Variants in MAN2C1 observed in about 807,000 individuals in gnomAD.
MAN2C1 encodes the protein alpha-mannosidase 2C1.
A neutral mutation model predicts 126.9 loss-of-function variants in MAN2C1; 111 were observed. The observed-to-expected ratio is 0.87, with a 90% CI of 0.75 to 1.02. MAN2C1 has a LOEUF of 1.02. Among genes scored for constraint, MAN2C1 ranks in the 50% least tolerant of loss-of-function variants. The pLI is 0.00. For synonymous variants in MAN2C1, 567 were observed against 561.5 expected, an observed-to-expected ratio of 1.01 and a Z score of -0.14; for missense variants, 1,363 against 1,364.4, an observed-to-expected ratio of 1.00 and a Z score of 0.02.
chr15:75,363,071 G>A, intron 6 of MAN2C1: 2 of 409,346 alleles, frequency 4.9e-6, no homozygotes, highest in East Asian at 6.5e-5. Context: ...CCCTGCCCCT[G>A]CACAAACTTG....
Position 75,361,051 on chromosome 15 carries a change from C to A in MAN2C1, c.1455G>T (p.Leu485=). Residue 485 remains leucine, a synonymous_variant, in exon 12 of 26, where the codon CTG becomes CTT. Transcript: ENST00000267978. This position sits in a 1 kb window ranked among gnomAD's most constrained non-coding sequence, Gnocchi z 5.0. ...RLKRLSNTDG[L]PRVQLSSPRQ... ...GAGCCAAGGCCTGGCCTGACCTGGG[C>A]AGCCCATCCGTATTGCTCAGGCGCT... The A allele has an allele frequency of 6.2e-7, 1 of 1,609,184 alleles. No individual in the cohort carries two copies. The highest frequency in any genetic ancestry group is 8.5e-7 in the Non-Finnish European group (1 of 1,178,184).
Position 75,362,022 on chromosome 15 carries a change from A to G in MAN2C1, c.1009-75T>C. On this transcript the variant is annotated intron_variant, in intron 8 of 25. Transcript: ENST00000267978. The surrounding 1 kb of genome is among the most constrained non-coding windows in gnomAD (Gnocchi z 4.5). ...GCAGGCAGGCGCTCAGGCCAACCCA[A>G]TCCCTGCAGGAGAAGCCAGGGCTGC... 1 of 1,115,068 alleles carries G rather than the reference A, an allele frequency of 9.0e-7. No homozygotes were observed. Among genetic ancestry groups the G allele is most frequent in the Non-Finnish European group, 1.4e-6 (1 of 731,736 alleles). 69.1% of individuals were successfully genotyped at this position (1,115,068 alleles called of 1,614,324 possible). A position where few individuals can be genotyped will look rare whatever the true frequency, so the allele number is the denominator to read the frequency against.
rs1428776273 is a variant in MAN2C1, at chr15:75,356,650, T to A, written c.2693A>T (p.Asp898Val). The change falls in exon 23 of 26, where the codon GAC becomes GTC. Residue 898 changes from aspartate (D) to valine (V), a missense_variant. Physicochemically the swap from Asp to Val is radical, Grantham distance 152 (BLOSUM62 -3). Coordinates refer to ENST00000267978, the MANE Select transcript of MAN2C1 (RefSeq NM_006715.4). This position sits in a 1 kb window ranked among gnomAD's most constrained non-coding sequence, Gnocchi z 5.8. ...RAPKAPDATA[D>V]TGRHEFTYAL... ...ATAGGTGAACTCGTGGCGCCCCGTG[T>A]CAGCAGTAGCGTCCGGGGCTTTAGG... 1.9e-6 allele frequency: 3 copies of A among 1,577,900 alleles called. No homozygotes were observed. Among genetic ancestry groups the A allele is most frequent in the Non-Finnish European group, 2.6e-6 (3 of 1,162,210 alleles).
At chr15:75,368,377 C>T (rs914936503) in intron 1 of MAN2C1, 106 bp downstream of exon 1, 27 of 1,396,928 alleles carry the variant, frequency 1.9e-5, no homozygotes, top group Non-Finnish European at 2.2e-5. Context: ...CCGCGGCGGG[C>T]ACTTTGTCCC....
chr15:75,367,741 G>C, intron 2 of MAN2C1, 107 bp from the exon 3 acceptor site: 1 of 1,402,638 alleles, frequency 7.1e-7, no homozygotes, highest in South Asian at 1.3e-5. Flanking sequence ...CATCTGCAGT[G>C]TCACAAGGTA....
Position 75,364,065 on chromosome 15 carries a change from A to T in MAN2C1, c.724T>A (p.Phe242Ile). 2 of 1,614,184 alleles carry T rather than the reference A, an allele frequency of 1.2e-6. No homozygotes were observed. Among genetic ancestry groups the T allele is most frequent in the Non-Finnish European group, 1.7e-6 (2 of 1,180,010 alleles). The part of the protein sequence containing the change: ...PVAQALASRF[F>I]GQHGGESQHT... Reference sequence around the variant, plus strand: ...TGGCTTTCACCCCCATGTTGGCCAAAGAACCTGGAGGCCAGGGCCTGGGCC... The same window carrying T: ...TGGCTTTCACCCCCATGTTGGCCAATGAACCTGGAGGCCAGGGCCTGGGCC... Residue 242 changes from phenylalanine to isoleucine, a missense_variant, in exon 6 of 26, where the codon TTT (phenylalanine) becomes ATT (isoleucine). Phe to Ile is a conservative substitution (Grantham distance 21). This residue lies in a region of MAN2C1 where 628 missense variants were observed against 609.8 expected (regional missense o/e 1.03). Coordinates refer to ENST00000267978, the MANE Select transcript of MAN2C1 (RefSeq NM_006715.4).
chr15:75,358,840 CAACT>C (rs751122715), intron 18 of MAN2C1, 32 bp from the exon 19 acceptor site: 4 of 1,559,264 alleles, frequency 2.6e-6, no homozygotes, highest in South Asian at 1.1e-5. Context: ...GCTGTACAAC[CAACT>C]GACCTCGCTG....
At position 75,357,090 on chromosome 15, in the gene MAN2C1, G is replaced by T. The variant is rs977959542; in HGVS notation, c.2548-188C>A. The T allele has an allele frequency of 1.0e-5, 6 of 596,256 alleles. No individual in the cohort carries two copies. In the Middle Eastern group the frequency reaches 1.3e-3, roughly 129 times the overall value. 36.9% of individuals were successfully genotyped at this position (596,256 alleles called of 1,614,324 possible). ...GCCTCAGTTTCCTTATCTGTGAAAC[G>T]GGAATAAATAATAGTACTCACCCCA... is the stretch of plus-strand genomic sequence containing the variant. On this transcript the variant is annotated intron_variant, in intron 21 of 25. Transcript: ENST00000267978.
chr15:75,356,003 G>C lies in MAN2C1; in HGVS notation c.3026C>G (p.Ala1009Gly), dbSNP rs754077447. 24 of 1,613,954 alleles carry C rather than the reference G, an allele frequency of 1.5e-5. No individual in the cohort carries two copies. The highest frequency in any genetic ancestry group is 1.6e-4 in the Middle Eastern group (1 of 6,082). The stretch of plus-strand genomic sequence containing the variant: ...GTTGTCCCGAAGGGTCAAGTGGCCA[G>C]CAGGGTCTGGTCGCTCCAAGAGATC... Reference protein sequence around the residue: ...LCDLLERPDPAGHLTLRDNRL... With the variant: ...LCDLLERPDPGGHLTLRDNRL... Residue 1009 changes from alanine to glycine, a missense_variant, in exon 26 of 26, where the codon GCT (alanine) becomes GGT (glycine). By Grantham distance (60) the Ala-to-Gly change is moderately conservative. This residue lies in a region of MAN2C1 where 668 missense variants were observed against 650.1 expected (regional missense o/e 1.03). Coordinates refer to ENST00000267978, the MANE Select transcript of MAN2C1 (RefSeq NM_006715.4). The surrounding 1 kb of genome is among the most constrained non-coding windows in gnomAD (Gnocchi z 5.8).
At chr15:75,364,290 C>T (rs979808090) in intron 5 of MAN2C1, 102 bp from the exon 6 acceptor site, 7 of 1,346,836 alleles carry the variant, frequency 5.2e-6, no homozygotes, top group Admixed American at 2.8e-5. Flanking sequence ...TGACCCCCAA[C>T]CCTTTTTCCC....
Position 75,361,053 on chromosome 15 carries a change from G to A in MAN2C1, c.1453C>T (p.Leu485=), listed in dbSNP as rs1159486021. 3 of 1,609,466 alleles carry A rather than the reference G, an allele frequency of 1.9e-6. No homozygotes were observed. The highest frequency in any genetic ancestry group is 2.5e-6 in the Non-Finnish European group (3 of 1,178,370). Reference sequence around the variant, plus strand: ...GCCAAGGCCTGGCCTGACCTGGGCAGCCCATCCGTATTGCTCAGGCGCTTC... The same window carrying A: ...GCCAAGGCCTGGCCTGACCTGGGCAACCCATCCGTATTGCTCAGGCGCTTC... The part of the protein sequence containing the change: ...RLKRLSNTDG[L]PRVQLSSPRQ... The change falls in exon 12 of 26, where the codon CTG becomes TTG. Residue 485 remains leucine, a synonymous_variant. Coordinates refer to ENST00000267978, the MANE Select transcript of MAN2C1 (RefSeq NM_006715.4). The surrounding 1 kb of genome is among the most constrained non-coding windows in gnomAD (Gnocchi z 5.0).
rs1242997044 is a variant in MAN2C1 at position 75,368,052 on chromosome 15, C to T, written c.227+21G>A. The stretch of plus-strand genomic sequence containing the variant: ...CTTCCCCTAGGCCTGTGGCCCCGCC[C>T]ACCCGCTGGGCGTTACCTACGTGGG... On this transcript the variant is annotated intron_variant, in intron 2 of 25. Coordinates refer to ENST00000267978, the MANE Select transcript of MAN2C1 (RefSeq NM_006715.4). 8 of 1,595,048 alleles carry T rather than the reference C, an allele frequency of 5.0e-6. No individual in the cohort carries two copies. In the South Asian group the frequency reaches 5.6e-5, roughly 11 times the overall value.
rs2072296074 is a variant in MAN2C1, at chr15:75,356,316, CAA to C, written c.2869_2870del (p.Leu957GlyfsTer21). ...CACCCCTTGCCTGCTTGACGGTCTC[CAA>C]TACGACCGCGGGTGAAGACACGGAA... is the stretch of plus-strand genomic sequence containing the variant. ...AFSVSSPAVV[L>X]ETVKQAESSP... is the part of the protein sequence containing the mutation. On this transcript the variant is annotated frameshift_variant, in exon 24 of 26. Coordinates refer to ENST00000267978, the MANE Select transcript of MAN2C1 (RefSeq NM_006715.4). LOFTEE classifies it high-confidence loss of function. The surrounding 1 kb of genome is among the most constrained non-coding windows in gnomAD (Gnocchi z 5.8). 3 of 1,611,810 alleles carry C rather than the reference CAA, an allele frequency of 1.9e-6. No individual in the cohort carries two copies. The highest frequency in any genetic ancestry group is 2.5e-6 in the Non-Finnish European group (3 of 1,179,366).
chr15:75,368,145 T>C lies in MAN2C1; in HGVS notation c.155A>G (p.Glu52Gly), dbSNP rs982371793. 1.9e-6 allele frequency: 3 copies of C among 1,605,072 alleles called. No homozygotes were observed. The highest frequency in any genetic ancestry group is 1.7e-6 in the Non-Finnish European group (2 of 1,177,076). ...VAVLSSFLTP[E>G]RLPYQEAVQR... is the part of the protein sequence containing the mutation. ...GACTGCCTCCTGGTAGGGAAGTCTCTCCGGCGTCAGGAAGCTGGAGAGCAC... is the reference window on the plus strand; with the variant it reads ...GACTGCCTCCTGGTAGGGAAGTCTCCCCGGCGTCAGGAAGCTGGAGAGCAC... The change falls in exon 2 of 26, where the codon GAG becomes GGG. Residue 52 changes from glutamate to glycine, a missense_variant. Physicochemically the swap from Glu to Gly is moderately conservative, Grantham distance 98. Transcript: ENST00000267978.
intron 6 of MAN2C1, among the ~76,000 whole-genome samples, chr15:75,363,534 G>A (rs1350335636): frequency 6.6e-6 from 1 of 152,162 alleles, no homozygotes; most frequent in Non-Finnish European, 1.5e-5. Flanking sequence ...GGCTGGGCAC[G>A]GTGGGTCATG....
rs2072410412 is a variant in MAN2C1 at position 75,359,118 on chromosome 15, G to C, written c.2082C>G (p.Ile694Met). The C allele has an allele frequency of 6.2e-7, 1 of 1,614,060 alleles. No homozygotes were observed. The highest frequency in any genetic ancestry group is 8.5e-7 in the Non-Finnish European group (1 of 1,180,028). ...GACCAGTTGGGTCCAGCTTCACTCG[G>C]ATGATGCCATTGTCCAGAGTCACGG... is the stretch of plus-strand genomic sequence containing the variant. ...DGSVTLDNGI[I>M]RVKLDPTGRL... Residue 694 changes from isoleucine to methionine, a missense_variant, in exon 18 of 26, where the codon ATC becomes ATG. Around this residue, in one of 3 missense-constraint regions of MAN2C1, gnomAD observed 668 missense variants for 650.1 expected, o/e 1.03. Coordinates refer to ENST00000267978, the MANE Select transcript of MAN2C1 (RefSeq NM_006715.4).
rs778465964 is a variant in MAN2C1, at chr15:75,356,019, C to G, written c.3010G>C (p.Glu1004Gln). ...VQEAILCDLLERPDPAGHLTL... is the reference protein window; with the variant it reads ...VQEAILCDLLQRPDPAGHLTL... The stretch of plus-strand genomic sequence containing the variant: ...AAGTGGCCAGCAGGGTCTGGTCGCT[C>G]CAAGAGATCGCAGCTGGAGAACAGG... The change falls in exon 26 of 26, where the codon GAG (glutamate) becomes CAG (glutamine). Residue 1004 changes from glutamate (E) to glutamine (Q), a missense_variant. Transcript: ENST00000267978. This position sits in a 1 kb window ranked among gnomAD's most constrained non-coding sequence, Gnocchi z 5.8. 3.1e-6 allele frequency: 5 copies of G among 1,613,976 alleles called. No individual in the cohort carries two copies. Among genetic ancestry groups the G allele is most frequent in the Non-Finnish European group, 2.5e-6 (3 of 1,179,938 alleles).
chr15:75,368,092 CGACCTGCGCGGGGCG>C lies in MAN2C1; in HGVS notation c.193_207del (p.Arg65_Val69del). ...ACCTACGTGGGTCCGAAGCTGTCGCCGACCTGCGCGGGGCGGAAGTCCCGCTGGACTGCCTCCTGG... is the reference window on the plus strand; with the variant it reads ...ACCTACGTGGGTCCGAAGCTGTCGCCGAAGTCCCGCTGGACTGCCTCCTGG... On this transcript the variant is annotated inframe_deletion, in exon 2 of 26. Coordinates refer to ENST00000267978, the MANE Select transcript of MAN2C1 (RefSeq NM_006715.4). The C allele has an allele frequency of 6.2e-6, 10 of 1,607,560 alleles. No individual in the cohort carries two copies. Among genetic ancestry groups the C allele is most frequent in the Non-Finnish European group, 8.5e-6 (10 of 1,177,928 alleles).
intron 13 of MAN2C1, 147 bp from the exon 14 acceptor site, chr15:75,360,358 C>T (rs1595876484): frequency 7.6e-7 from 1 of 1,309,542 alleles, no homozygotes; most frequent in East Asian, 2.4e-5. Flanking sequence ...TAAATGCCTT[C>T]CCTCTTCTCC....
Sources: allele counts gnomAD v4.1 joint callset (sites outside exome capture counted in the v4.1 genomes callset), GRCh38; gene constraint gnomAD v4.1.1; regional missense constraint gnomAD v4.1.1; non-coding constraint Gnocchi (gnomAD v3.1); transcripts MANE v1.5; gene names NCBI Gene and HGNC (gene_info 2026-07-23, HGNC 2026-07-21).